SBF2: variants seen among roughly 807,000 people sequenced by gnomAD.
SBF2 encodes myotubularin-related protein 13.
Under a neutral mutation model 225.2 loss-of-function variants are expected in SBF2, and 112 were observed. That is an observed-to-expected ratio of 0.50 (90% confidence interval 0.43 to 0.58). The LOEUF is 0.58. Ranked by LOEUF, SBF2 falls within the 20% of genes least tolerant of loss-of-function variation. The pLI is 0.00. For synonymous variants in SBF2, 763 were observed against 773.3 expected (o/e 0.99, Z 0.22); for missense variants, 1,996 against 2,206.2 (o/e 0.90, Z 1.91).
At chr11:10,233,336 T>C (rs901225282) in intron 1 of SBF2, among the ~76,000 whole-genome samples, 1 of 152,094 alleles carries the variant, frequency 6.6e-6, no homozygotes, top group African/African-American at 2.4e-5. Flanking sequence ...CAAAACTGAA[T>C]AGGAAGAATT....
At chr11:10,279,698 G>A (rs1015966167) in intron 1 of SBF2, among the ~76,000 whole-genome samples, 5 of 152,132 alleles carry the variant, frequency 3.3e-5, no homozygotes, top group African/African-American at 9.7e-5. Flanking sequence ...CACCCAGGCT[G>A]GGGTGCAATG....
At chr11:10,043,107 C>T (rs1949718089) in intron 2 of SBF2, 126 bp from the exon 3 acceptor site, 1 of 895,224 alleles carries the variant, frequency 1.1e-6, no homozygotes, top group South Asian at 1.7e-5. Flanking sequence ...AGTCTAAAGC[C>T]AACATTTAAA....
intron 2 of SBF2, among the ~76,000 whole-genome samples, chr11:10,120,563 G>A (rs1465248892): frequency 1.3e-5 from 2 of 152,058 alleles, no homozygotes. Flanking sequence ...CTGCTAATAG[G>A]GCAAAAGGGT....
chr11:10,003,482 C>T (rs1948062325), intron 6 of SBF2, among the ~76,000 whole-genome samples: 1 of 151,960 alleles, frequency 6.6e-6, no homozygotes, highest in Non-Finnish European at 1.5e-5. Flanking sequence ...ATTCTCCTGC[C>T]TCAGCCTCCT....
At chr11:10,270,031 A>G (rs1339117605) in intron 1 of SBF2, among the ~76,000 whole-genome samples, 1 of 152,224 alleles carries the variant, frequency 6.6e-6, no homozygotes, top group African/African-American at 2.4e-5. Context: ...AATTCATCAC[A>G]GCACTATTTA....
intron 6 of SBF2, among the ~76,000 whole-genome samples, chr11:10,019,268 C>T (rs564295355): frequency 1.3e-5 from 2 of 152,308 alleles, no homozygotes; most frequent in African/African-American, 4.8e-5. Flanking sequence ...AAAGAAATTA[C>T]ATTGGAACAG....
intron 1 of SBF2, among the ~76,000 whole-genome samples, chr11:10,260,065 T>C (rs1042802822): frequency 7.2e-5 from 11 of 152,190 alleles, no homozygotes; most frequent in African/African-American, 2.2e-4. Context: ...CATTCTCTGA[T>C]TTGGATAGTT....
At chr11:9,948,685 T>C (rs1005808278) in intron 16 of SBF2, among the ~76,000 whole-genome samples, 4 of 152,196 alleles carry the variant, frequency 2.6e-5, no homozygotes, top group African/African-American at 9.7e-5. Flanking sequence ...CCAGGAAATA[T>C]ATGTATGCAT....
intron 28 of SBF2, among the ~76,000 whole-genome samples, chr11:9,817,577 T>G (rs1186327034): frequency 6.5e-5 from 5 of 77,338 alleles, no homozygotes; most frequent in East Asian, 5.8e-4. Flanking sequence ...AACAAGATTA[T>G]ATTATATTTT....
intron 1 of SBF2, among the ~76,000 whole-genome samples, chr11:10,234,542 C>G (rs968405603): frequency 1.3e-5 from 2 of 152,048 alleles, no homozygotes; most frequent in Non-Finnish European, 2.9e-5. Flanking sequence ...TTTCCAAAGT[C>G]AAATTTTACA....
chr11:9,812,763 G>A, intron 29 of SBF2, 55 bp from the exon 30 acceptor site: 5 of 1,579,076 alleles, frequency 3.2e-6, no homozygotes, highest in Non-Finnish European at 4.3e-6. Context: ...GTAAAAGAGT[G>A]ATGTTTCCAA....
intron 2 of SBF2, among the ~76,000 whole-genome samples, chr11:10,112,583 T>C (rs577998962): frequency 9.2e-5 from 14 of 152,354 alleles, no homozygotes; most frequent in African/African-American, 3.1e-4. Flanking sequence ...AATGGACTAA[T>C]ACACTACCAG....
chr11:10,109,509 T>A (rs1022642015), intron 2 of SBF2, among the ~76,000 whole-genome samples: 1 of 152,184 alleles, frequency 6.6e-6, no homozygotes. Flanking sequence ...CCCTAGGGAC[T>A]CCATTCAAAT....
At chr11:9,922,556 T>C (rs1368832864) in intron 16 of SBF2, among the ~76,000 whole-genome samples, 1 of 150,478 alleles carries the variant, frequency 6.6e-6, no homozygotes, top group African/African-American at 2.4e-5. Flanking sequence ...TTTATCATTA[T>C]TTATGTGAAT....
Position 9,939,300 on chromosome 11 carries a change from C to G in SBF2, c.1860+22657G>C, listed in dbSNP as rs769649666. Among the ~76,000 whole-genome samples the G allele has an allele frequency of 9.2e-5, 14 of 152,220 alleles. No homozygotes were observed. In the South Asian group the frequency reaches 2.3e-3, roughly 25 times the overall value. On this transcript the variant is annotated intron_variant, in intron 16 of 39. Transcript: ENST00000256190. The stretch of plus-strand genomic sequence containing the variant: ...TTAAGTAGAGACGGGGTTTCACCAC[C>G]TTGGCCAGGCTGGTGTTGATCTCCG...
At chr11:9,980,613 G>A (rs936669913) in intron 13 of SBF2, among the ~76,000 whole-genome samples, 2 of 150,700 alleles carry the variant, frequency 1.3e-5, no homozygotes, top group Admixed American at 6.6e-5. Context: ...TTAAGACGGA[G>A]TCTCACTCTG....
At chr11:10,072,208 T>G (rs1419466357) in intron 2 of SBF2, among the ~76,000 whole-genome samples, 1 of 152,238 alleles carries the variant, frequency 6.6e-6, no homozygotes, top group African/African-American at 2.4e-5. Flanking sequence ...AACCAAAATA[T>G]CTTTTATATC....
intron 30 of SBF2, among the ~76,000 whole-genome samples, chr11:9,812,171 G>A (rs1283386624): frequency 3.3e-5 from 5 of 152,086 alleles, no homozygotes; most frequent in Non-Finnish European, 5.9e-5. Context: ...TCATGCAGAA[G>A]TTGCCCTCTG....
chr11:9,883,559 A>G (rs1485454940), intron 17 of SBF2, among the ~76,000 whole-genome samples: 2 of 152,212 alleles, frequency 1.3e-5, no homozygotes, highest in African/African-American at 4.8e-5. Context: ...TGTTTAGCAT[A>G]GTATCTGGTA....
Sources: gnomAD v4.1 joint callset for allele counts (sites outside exome capture counted in the v4.1 genomes callset) on GRCh38, gnomAD v4.1.1 for gene constraint, MANE v1.5 for transcripts, NCBI Gene and HGNC (gene_info 2026-07-23, HGNC 2026-07-21) for gene names.